LATS2: variants seen among roughly 807,000 people sequenced by gnomAD.
LATS2 encodes serine/threonine-protein kinase LATS2.
Under a neutral mutation model 76.0 loss-of-function variants are expected in LATS2, and 24 were observed. That is an observed-to-expected ratio of 0.32 (90% confidence interval 0.23 to 0.44). The LOEUF (loss-of-function observed/expected upper bound fraction) is 0.44, where lower values mean the gene tolerates loss of function less well. Ranked by LOEUF, LATS2 falls within the 20% of genes least tolerant of loss-of-function variation. The probability of loss-of-function intolerance (pLI) is 1.00; values close to 1 mark genes in which losing one functional copy is unlikely to be tolerated. For missense variants in LATS2, 1,286 were observed against 1,481.2 expected (o/e 0.87, Z 2.16); for synonymous variants, 692 against 635.4 (o/e 1.09, Z -1.34).
At chr13:21,047,318 G>A (rs768388955) in intron 1 of LATS2, among the ~76,000 whole-genome samples, 2 of 152,096 alleles carry the variant, frequency 1.3e-5, no homozygotes, top group African/African-American at 4.8e-5. Context: ...GTGAGCACCG[G>A]GTCAGATGAC....
Position 21,022,544 on chromosome 13 carries a change from G to A in LATS2, c.342+23141C>T, listed in dbSNP as rs1311544008. Among the ~76,000 whole-genome samples, 2 of 152,176 alleles carry A rather than the reference G, an allele frequency of 1.3e-5. 1 individual carries two copies. The highest frequency in any genetic ancestry group is 1.3e-4 in the Admixed American group (2 of 15,282). ...ACCCACTGGCCCTTGTTCTAACCACGCAAAACACACCTTGTCCCTCATTCA... is the reference window on the plus strand; with the variant it reads ...ACCCACTGGCCCTTGTTCTAACCACACAAAACACACCTTGTCCCTCATTCA... On this transcript the variant is annotated intron_variant, in intron 2 of 7. Coordinates refer to ENST00000382592, the MANE Select transcript of LATS2 (RefSeq NM_014572.3).
At position 20,988,907 on chromosome 13, in the gene LATS2, C is replaced by A; in HGVS notation, c.873G>T (p.Thr291=). 1 of 1,529,372 alleles carries A rather than the reference C, an allele frequency of 6.5e-7. No individual in the cohort carries two copies. The highest frequency in any genetic ancestry group is 8.7e-7 in the Non-Finnish European group (1 of 1,143,636). 94.7% of individuals were successfully genotyped at this position (1,529,372 alleles called of 1,614,324 possible). A position where few individuals can be genotyped will look rare whatever the true frequency, so the allele number is the denominator to read the frequency against. The change falls in exon 4 of 8, where the codon ACG becomes ACT. Residue 291 remains threonine, a synonymous_variant. Transcript: ENST00000382592. ...CGCCTGGCGGTCCTCCCTGGCCCTT[C>A]GTGGGCAGGCTGGCGTAACCCCCGG... ...PETGGYASLP[T]KGQGGPPGAG... is the part of the protein sequence containing the mutation.
At chr13:21,034,831 G>GA (rs1003461526) in intron 2 of LATS2, among the ~76,000 whole-genome samples, 11 of 151,770 alleles carry the variant, frequency 7.2e-5, no homozygotes, top group African/African-American at 2.7e-4. Flanking sequence ...GAACTCTTAG[G>GA]AAAAAAAAGG....
intron 2 of LATS2, among the ~76,000 whole-genome samples, chr13:21,001,500 C>G (rs994756351): frequency 2.0e-5 from 3 of 152,310 alleles, no homozygotes; most frequent in African/African-American, 7.2e-5. Context: ...CTGAGCCTCA[C>G]CCTCAAGAAG....
intron 5 of LATS2, 86 bp from the exon 6 acceptor site, chr13:20,981,734 C>T: frequency 8.9e-7 from 1 of 1,127,140 alleles, no homozygotes; most frequent in Non-Finnish European, 1.2e-6. Flanking sequence ...AGATCCACAG[C>T]TTAAAACAGC....
chr13:21,060,607 T>G (rs922105432), intron 1 of LATS2, among the ~76,000 whole-genome samples: 1 of 151,736 alleles, frequency 6.6e-6, no homozygotes, highest in African/African-American at 2.4e-5. Flanking sequence ...GACTGGCCCG[T>G]GAGCCGGCGG....
rs752716919 is a variant in LATS2 at position 20,988,752 on chromosome 13, G to A, written c.1028C>T (p.Pro343Leu). ...CGAGGGAGTGAGCAGGCTCTGCGGG[G>A]GGCTGTCGCTGGCGAACACCTGGCT... is the stretch of plus-strand genomic sequence containing the variant. ...SRSQVFASDS[P>L]PQSLLTPSRN... The change falls in exon 4 of 8, where the codon CCC becomes CTC. Residue 343 changes from proline to leucine, a missense_variant. Transcript: ENST00000382592. 2 of 1,578,620 alleles carry A rather than the reference G, an allele frequency of 1.3e-6. No homozygotes were observed. Among genetic ancestry groups the A allele is most frequent in the South Asian group, 1.1e-5 (1 of 87,490 alleles).
At chr13:21,033,074 G>C (rs1326932722) in intron 2 of LATS2, among the ~76,000 whole-genome samples, 1 of 152,028 alleles carries the variant, frequency 6.6e-6, no homozygotes, top group East Asian at 1.9e-4. Flanking sequence ...GGGTCAGGGA[G>C]AATCCAGGTA....
intron 2 of LATS2, among the ~76,000 whole-genome samples, chr13:21,024,591 C>T (rs1215070158): frequency 2.7e-5 from 4 of 149,250 alleles, no homozygotes; most frequent in African/African-American, 1.0e-4. Flanking sequence ...TCACGGATGA[C>T]ATCTCACTTT....
chr13:21,055,527 G>C (rs937339300), intron 1 of LATS2, among the ~76,000 whole-genome samples: 1 of 152,194 alleles, frequency 6.6e-6, no homozygotes, highest in Non-Finnish European at 1.5e-5. Context: ...CAATGTGAGA[G>C]CAAAATTTTA....
chr13:21,038,618 C>T (rs867539369), intron 2 of LATS2: 8 of 152,124 alleles, frequency 5.3e-5, no homozygotes, highest in African/African-American at 1.7e-4. Flanking sequence ...TAGCAATAAT[C>T]GCACCTTGGA....
chr13:20,976,958 A>C (rs1869651766), intron 7 of LATS2, among the ~76,000 whole-genome samples: 1 of 152,212 alleles, frequency 6.6e-6, no homozygotes, highest in South Asian at 2.1e-4. Flanking sequence ...TTTATATCCA[A>C]AAGAACCGGA....
intron 2 of LATS2, among the ~76,000 whole-genome samples, chr13:21,020,692 G>A (rs1872020948): frequency 6.6e-6 from 1 of 152,184 alleles, no homozygotes; most frequent in Non-Finnish European, 1.5e-5. Context: ...TAGGGACACT[G>A]TCCAGGGGCT....
Position 20,974,197 on chromosome 13 carries a change from T to C in LATS2, c.*673A>G. On this transcript the variant is annotated 3_prime_UTR_variant, in exon 8 of 8. Transcript: ENST00000382592. ...ATGGCAAGATATGGTAATTTTATAA[T>C]AGAAGAACTCTGCTCATGCAGTACT... is the stretch of plus-strand genomic sequence containing the variant. 2 of 225,446 alleles carry C rather than the reference T, an allele frequency of 8.9e-6. No individual in the cohort carries two copies. Among genetic ancestry groups the C allele is most frequent in the Non-Finnish European group, 1.8e-5 (2 of 113,170 alleles). 14.0% of individuals were successfully genotyped at this position (225,446 alleles called of 1,614,324 possible).
chr13:21,049,960 A>C (rs2138411843), intron 1 of LATS2, among the ~76,000 whole-genome samples: 1 of 152,102 alleles, frequency 6.6e-6, no homozygotes, highest in South Asian at 2.1e-4. Context: ...GTCTCTACTA[A>C]AAATACAAAA....
intron 2 of LATS2, among the ~76,000 whole-genome samples, chr13:21,040,827 G>A (rs962088617): frequency 1.3e-5 from 2 of 152,134 alleles, no homozygotes; most frequent in Non-Finnish European, 2.9e-5. Flanking sequence ...CCACAGACAT[G>A]AGGGAAAGGA....
chr13:20,975,677 GTTCT>G (rs1165814815), intron 7 of LATS2, among the ~76,000 whole-genome samples: 3 of 152,134 alleles, frequency 2.0e-5, no homozygotes, highest in East Asian at 1.9e-4. Flanking sequence ...TGGTCTACAA[GTTCT>G]TTCTTTCTTT....
At chr13:21,051,482 AG>A (rs1407699809) in intron 1 of LATS2, among the ~76,000 whole-genome samples, 3 of 152,234 alleles carry the variant, frequency 2.0e-5, no homozygotes, top group African/African-American at 7.2e-5. Context: ...TAGAACCCAT[AG>A]GAGTAAGTAA....
At chr13:20,999,200 C>T (rs1435709197) in intron 2 of LATS2, among the ~76,000 whole-genome samples, 3 of 152,222 alleles carry the variant, frequency 2.0e-5, no homozygotes, top group Non-Finnish European at 4.4e-5. Context: ...GAAAATGAGT[C>T]GCCACCTTGC....
Sources: gnomAD v4.1 joint callset for allele counts (sites outside exome capture counted in the v4.1 genomes callset) on GRCh38, gnomAD v4.1.1 for gene constraint, MANE v1.5 for transcripts, NCBI Gene and HGNC (gene_info 2026-07-23, HGNC 2026-07-21) for gene names.